Variants in NHSL1 observed in about 807,000 individuals in gnomAD.
NHSL1 encodes the protein NHS-like protein 1.
Under a neutral mutation model 95.0 loss-of-function variants are expected in NHSL1, and 48 were observed. That is an observed-to-expected ratio of 0.51 (90% CI 0.40 to 0.64). The LOEUF is 0.64. Among genes scored for constraint, NHSL1 ranks in the 30% least tolerant of loss-of-function variants. The probability of loss-of-function intolerance (pLI) is 0.00; values close to 1 mark genes in which losing one functional copy is unlikely to be tolerated. For missense variants in NHSL1, 1,971 were observed against 2,077.7 expected, an observed-to-expected ratio of 0.95 and a Z score of 1.00; for synonymous variants, 783 against 833.9, an observed-to-expected ratio of 0.94 and a Z score of 1.05.
At chr6:138,434,433 A>C (rs1306691958) in intron 5 of NHSL1, among the ~76,000 whole-genome samples, 2 of 152,194 alleles carry the variant, frequency 1.3e-5, no homozygotes, top group Non-Finnish European at 2.9e-5. Context: ...AGACAGAAAG[A>C]AAGAAACACA....
chr6:138,583,382 C>T (rs1784089202), intron 1 of NHSL1, among the ~76,000 whole-genome samples: 1 of 152,176 alleles, frequency 6.6e-6, no homozygotes, highest in Admixed American at 6.5e-5. Flanking sequence ...ATTTCTGAAT[C>T]TCATCTACCA....
rs764690400 is a variant in NHSL1 at position 138,432,439 on chromosome 6, C to T, written c.1906G>A (p.Val636Met). ...SDGFGNPRHS[V>M]INVFVGRAQK... is the part of the protein sequence containing the mutation. ...GCTCTTCCAACAAAAACATTGATCA[C>T]GCTGTGCCTGGGGTTCCCAAAGCCA... The change falls in exon 6 of 8, where the codon GTG (valine) becomes ATG (methionine). Residue 636 changes from valine (V) to methionine (M), a missense_variant. Around this residue, in one of 3 missense-constraint regions of NHSL1, gnomAD observed 1,602 missense variants for 1,654.5 expected, o/e 0.97. Coordinates refer to ENST00000343505, the MANE Select transcript of NHSL1 (RefSeq NM_001144060.2). The surrounding 1 kb of genome is among the most constrained non-coding windows in gnomAD (Gnocchi z 4.4). The T allele has an allele frequency of 1.1e-4, 178 of 1,552,366 alleles. 2 individuals carry two copies. Among genetic ancestry groups the T allele is most frequent in the South Asian group, 1.1e-3 (95 of 84,066 alleles).
intron 1 of NHSL1, among the ~76,000 whole-genome samples, chr6:138,566,146 C>T (rs1255424624): frequency 6.6e-6 from 1 of 152,060 alleles, no homozygotes; most frequent in Non-Finnish European, 1.5e-5. Flanking sequence ...GCTTGTAATC[C>T]CAACACTTTG....
chr6:138,524,598 G>GT lies in NHSL1; in HGVS notation c.16+21024dup, dbSNP rs36002214. Among the ~76,000 whole-genome samples the GT allele has an allele frequency of 8.3e-3, 1,259 of 151,100 alleles. 10 individuals are homozygous for GT. The highest frequency in any genetic ancestry group is 0.012 in the Non-Finnish European group (813 of 67,700). On this transcript the variant is annotated intron_variant, in intron 1 of 4. Transcript: ENST00000342260. ...GTTGTATTATTAATGGACATTTAGT[G>GT]TTTTTTTTTCCAGTTTGGGGCTTTT...
At chr6:138,634,594 CAAT>C (rs1316415436) in intron 1 of NHSL1, among the ~76,000 whole-genome samples, 2 of 152,240 alleles carry the variant, frequency 1.3e-5, no homozygotes, top group East Asian at 3.9e-4. Context: ...GATCCCAATA[CAAT>C]AATAGCTGGA....
chr6:138,684,158 G>T (rs558835039), intron 1 of NHSL1, among the ~76,000 whole-genome samples: 1 of 145,656 alleles, frequency 6.9e-6, no homozygotes, highest in East Asian at 2.1e-4. Flanking sequence ...GTTGCAGTGA[G>T]CCGAGATCTC....
At chr6:138,622,697 C>T (rs1399057351) in intron 1 of NHSL1, among the ~76,000 whole-genome samples, 2 of 152,084 alleles carry the variant, frequency 1.3e-5, no homozygotes, top group African/African-American at 4.8e-5. Context: ...TTAGTAATTC[C>T]AAGAAAGCAA....
chr6:138,435,450 G>C (rs1010768918), intron 5 of NHSL1, among the ~76,000 whole-genome samples: 1 of 151,830 alleles, frequency 6.6e-6, no homozygotes, highest in Non-Finnish European at 1.5e-5. Flanking sequence ...AAAAAAAATA[G>C]AAATACAGCT....
intron 1 of NHSL1, among the ~76,000 whole-genome samples, chr6:138,637,160 T>A (rs890007926): frequency 2.6e-5 from 4 of 152,158 alleles, no homozygotes; most frequent in African/African-American, 9.7e-5. Context: ...GACAGTCTCT[T>A]CAATAAATGG....
intron 2 of NHSL1, among the ~76,000 whole-genome samples, chr6:138,477,394 G>A (rs1056980228): frequency 2.6e-5 from 4 of 152,182 alleles, no homozygotes; most frequent in Non-Finnish European, 5.9e-5. Context: ...GAGGCCAGGA[G>A]TTCAAGACCA....
In NHSL1 at chr6:138,496,946, T is replaced by G. The variant is rs117749071; in HGVS notation, c.59-575A>C. Among the ~76,000 whole-genome samples the G allele has an allele frequency of 2.3e-3, 358 of 152,352 alleles. 3 individuals are homozygous for G. The highest frequency in any genetic ancestry group is 0.023 in the South Asian group (110 of 4,826). ...CATAGCTAATACATGTGGAGACCCATTTGTGTTACAAAATTCTCTCTGCAT... is the reference window on the plus strand; with the variant it reads ...CATAGCTAATACATGTGGAGACCCAGTTGTGTTACAAAATTCTCTCTGCAT... On this transcript the variant is annotated intron_variant, in intron 1 of 7. Coordinates refer to ENST00000343505, the MANE Select transcript of NHSL1 (RefSeq NM_001144060.2).
intron 1 of NHSL1, among the ~76,000 whole-genome samples, chr6:138,636,912 C>A (rs1784895586): frequency 6.6e-6 from 1 of 152,156 alleles, no homozygotes; most frequent in South Asian, 2.1e-4. Context: ...AAGAAACAAT[C>A]CTAAAATTTA....
intron 1 of NHSL1, among the ~76,000 whole-genome samples, chr6:138,624,971 T>C (rs1430972715): frequency 6.6e-6 from 1 of 152,202 alleles, no homozygotes; most frequent in Non-Finnish European, 1.5e-5. Context: ...TTTTAGTTTA[T>C]ATATACAAAA....
chr6:138,424,085 C>T lies in NHSL1; in HGVS notation c.4817G>A (p.Ser1606Asn). 2.2e-6 allele frequency: 3 copies of T among 1,384,274 alleles called. No homozygotes were observed. The highest frequency in any genetic ancestry group is 2.8e-6 in the Non-Finnish European group (3 of 1,070,748). The allele number at this position is 1,384,274 out of a possible 1,614,324, so 85.7% of individuals were successfully genotyped here. The change falls in exon 8 of 8, where the codon AGT (serine) becomes AAT (asparagine). Residue 1606 changes from serine (S) to asparagine (N), a missense_variant. By Grantham distance (46) the Ser-to-Asn change is conservative. Coordinates refer to ENST00000343505, the MANE Select transcript of NHSL1 (RefSeq NM_001144060.2). This position sits in a 1 kb window ranked among gnomAD's most constrained non-coding sequence, Gnocchi z 5.9. ...PQCGGSLSEE[S>N] ...GGGAGAGTTACGTTCTTGGCCCTAACTCTCCTCGCTCAGAGAACCGCCACA... is the reference window on the plus strand; with the variant it reads ...GGGAGAGTTACGTTCTTGGCCCTAATTCTCCTCGCTCAGAGAACCGCCACA...
intron 1 of NHSL1, among the ~76,000 whole-genome samples, chr6:138,677,261 T>C (rs988683275): frequency 3.3e-5 from 5 of 152,220 alleles, no homozygotes; most frequent in African/African-American, 1.2e-4. Flanking sequence ...TTCTAAGATA[T>C]CAAAATGAGG....
intron 1 of NHSL1, among the ~76,000 whole-genome samples, chr6:138,608,386 C>T (rs1185628401): frequency 6.6e-6 from 1 of 152,166 alleles, no homozygotes; most frequent in Non-Finnish European, 1.5e-5. Context: ...TAACAGTTGG[C>T]CTTGGAAGAA....
At chr6:138,599,622 T>TA (rs1784346967) in intron 1 of NHSL1, among the ~76,000 whole-genome samples, 1 of 152,200 alleles carries the variant, frequency 6.6e-6, no homozygotes, top group Non-Finnish European at 1.5e-5. Flanking sequence ...ATAACCCAGA[T>TA]ACACAAGAAA....
chr6:138,458,251 C>T (rs1380794256), intron 3 of NHSL1, among the ~76,000 whole-genome samples: 1 of 152,226 alleles, frequency 6.6e-6, no homozygotes, highest in Admixed American at 6.5e-5. Context: ...GCACATTCAG[C>T]TGCCACAATG....
At position 138,433,075 on chromosome 6, in the gene NHSL1, C is replaced by A. The variant is rs368681633; in HGVS notation, c.1270G>T (p.Val424Phe). 4.8e-4 allele frequency: 739 copies of A among 1,551,104 alleles called. 1 individual carries two copies. The highest frequency in any genetic ancestry group is 7.4e-4 in the South Asian group (62 of 84,068). Residue 424 changes from valine to phenylalanine, a missense_variant, in exon 6 of 8, where the codon GTC becomes TTC. Val to Phe is a conservative substitution (Grantham distance 50). Coordinates refer to ENST00000343505, the MANE Select transcript of NHSL1 (RefSeq NM_001144060.2). ...PNATLSSSSE[V>F]IAIPTAQSAG... is the part of the protein sequence containing the mutation. The stretch of plus-strand genomic sequence containing the variant: ...CTCTGAGCAGTGGGAATAGCGATGA[C>A]CTCGGAAGAGGAAGACAGTGTGGCA...
Sources: allele counts gnomAD v4.1 joint callset (sites outside exome capture counted in the v4.1 genomes callset), GRCh38; gene constraint gnomAD v4.1.1; regional missense constraint gnomAD v4.1.1; non-coding constraint Gnocchi (gnomAD v3.1); transcripts MANE v1.5; gene names NCBI Gene and HGNC (gene_info 2026-07-23, HGNC 2026-07-21).